TEX14: variants seen among roughly 807,000 people sequenced by gnomAD.
TEX14 encodes the protein inactive serine/threonine-protein kinase TEX14.
In TEX14, 168 loss-of-function variants were observed where a neutral mutation model predicts 178.6. The observed-to-expected ratio is 0.94, with a 90% CI of 0.83 to 1.07. The LOEUF is 1.07. TEX14 is among the 50% of genes least tolerant of loss of function. TEX14 has a pLI of 0.00. For missense variants in TEX14, 1,730 were observed against 1,753.6 expected (o/e 0.99, Z 0.24); for synonymous variants, 626 against 634.1 (o/e 0.99, Z 0.19).
intron 1 of TEX14, among the ~76,000 whole-genome samples, chr17:58,656,253 G>C (rs2046956660): frequency 6.6e-6 from 1 of 152,150 alleles, no homozygotes; most frequent in Non-Finnish European, 1.5e-5. Context: ...AGACCAGCTT[G>C]ACTGATACGG....
chr17:58,672,234 T>G (rs1258490476), intron 1 of TEX14, among the ~76,000 whole-genome samples: 1 of 152,174 alleles, frequency 6.6e-6, no homozygotes, highest in African/African-American at 2.4e-5. Context: ...GCCTAGTTCC[T>G]AACAGGCCAC....
chr17:58,665,000 C>A (rs570922520), intron 1 of TEX14, among the ~76,000 whole-genome samples: 4 of 151,930 alleles, frequency 2.6e-5, no homozygotes, highest in African/African-American at 9.7e-5. Context: ...CCAGGAAGAG[C>A]AGGCATGTAA....
At chr17:58,676,094 G>A (rs984721823) in intron 1 of TEX14, among the ~76,000 whole-genome samples, 8 of 152,062 alleles carry the variant, frequency 5.3e-5, no homozygotes, top group South Asian at 2.1e-4. Flanking sequence ...AAAATTAGTC[G>A]GCCAGGTGCA....
In TEX14 at chr17:58,617,532, T is replaced by G; in HGVS notation, c.636+6A>C. ...CAAACACTGGCTGTCAGTGGCAACC[T>G]CTTACCTTCCCAAAACCAAAGCTGT... On this transcript the variant is annotated splice_donor_region_variant and intron_variant, in intron 6 of 31. Coordinates refer to ENST00000349033, the MANE Select transcript of TEX14 (RefSeq NM_031272.5). 6.2e-7 allele frequency: 1 copy of G among 1,612,644 alleles called. No individual in the cohort carries two copies. The highest frequency in any genetic ancestry group is 8.5e-7 in the Non-Finnish European group (1 of 1,178,962).
chr17:58,574,038 T>C, intron 22 of TEX14, 149 bp downstream of exon 22: 1 of 656,446 alleles, frequency 1.5e-6, no homozygotes, highest in East Asian at 2.8e-5. Context: ...TATCACCAAT[T>C]TGATAACAAC....
chr17:58,656,028 C>T (rs1265677525), intron 1 of TEX14, among the ~76,000 whole-genome samples: 1 of 152,260 alleles, frequency 6.6e-6, no homozygotes, highest in African/African-American at 2.4e-5. Context: ...TGGTTGGGCG[C>T]GATGGCTCAC....
chr17:58,654,078 T>A lies in TEX14; in HGVS notation c.-1-2076A>T, dbSNP rs183365644. Among the ~76,000 whole-genome samples the A allele has an allele frequency of 2.2e-3, 340 of 152,178 alleles. 2 individuals are homozygous for A. The highest frequency in any genetic ancestry group is 0.017 in the Middle Eastern group (5 of 294). On this transcript the variant is annotated intron_variant, in intron 1 of 31. Transcript: ENST00000349033. ...CTGTAGTCCCAGCTACTCGGGAGAC[T>A]GAGGCGGGAGAATGGCGTGAACCCG...
chr17:58,682,815 T>C (rs1284652408), intron 1 of TEX14, among the ~76,000 whole-genome samples: 1 of 152,150 alleles, frequency 6.6e-6, no homozygotes, highest in Non-Finnish European at 1.5e-5. Flanking sequence ...ATGTCTGTCC[T>C]CCACTGCCTT....
At chr17:58,631,647 C>CA (rs1471738717) in intron 2 of TEX14, 3 of 151,212 alleles carry the variant, frequency 2.0e-5, no homozygotes, top group African/African-American at 4.9e-5. Context: ...CAGAACTACT[C>CA]AGACTGCCTT....
chr17:58,609,158 G>A (rs936370870), intron 10 of TEX14, among the ~76,000 whole-genome samples: 2 of 152,148 alleles, frequency 1.3e-5, no homozygotes, highest in East Asian at 3.9e-4. Flanking sequence ...CGCCCAGGCT[G>A]GAGTGCAGTG....
chr17:58,602,309 C>A, intron 12 of TEX14, 91 bp downstream of exon 12: 1 of 1,291,464 alleles, frequency 7.7e-7, no homozygotes, highest in Non-Finnish European at 1.1e-6. Flanking sequence ...AAATTTCTTA[C>A]AACTTGGTCT....
rs181641648 is a variant in TEX14 at position 58,562,563 on chromosome 17, G to A, written c.4065-951C>T. On this transcript the variant is annotated intron_variant, in intron 28 of 31. Transcript: ENST00000349033. ...TCTGTCGCCCAGGCTGGAGTGCAGC[G>A]GCACCATCTCAGCTCACTGCAACCT... 8.5e-4 allele frequency among the ~76,000 whole-genome samples: 129 copies of A among 151,922 alleles called. 1 individual carries two copies. The highest frequency in any genetic ancestry group is 2.7e-3 in the African/African-American group (111 of 41,438).
chr17:58,588,226 T>G (rs1029366384), intron 15 of TEX14, among the ~76,000 whole-genome samples: 2 of 152,112 alleles, frequency 1.3e-5, no homozygotes, highest in Non-Finnish European at 2.9e-5. Flanking sequence ...ATGGTTCAGG[T>G]GAGGGTTCTG....
At chr17:58,688,478 C>G (rs1297067443) in intron 1 of TEX14, among the ~76,000 whole-genome samples, 1 of 152,146 alleles carries the variant, frequency 6.6e-6, no homozygotes, top group African/African-American at 2.4e-5. Context: ...GCTAGGTATT[C>G]TATAAGGATT....
In TEX14 at chr17:58,565,804, C is replaced by A. The variant is rs754003655; in HGVS notation, c.3907G>T (p.Gly1303Cys). 38 of 1,607,978 alleles carry A rather than the reference C, an allele frequency of 2.4e-5. No homozygotes were observed. The highest frequency in any genetic ancestry group is 5.9e-6 in the Non-Finnish European group (7 of 1,177,576). The change falls in exon 27 of 32, where the codon GGC becomes TGC. Residue 1303 changes from glycine to cysteine, a missense_variant. Around this residue, in one of 2 missense-constraint regions of TEX14, gnomAD observed 941 missense variants for 1,072.4 expected, o/e 0.88. Coordinates refer to ENST00000349033, the MANE Select transcript of TEX14 (RefSeq NM_031272.5). Reference sequence around the variant, plus strand: ...TTCTCATGCAACACCGTGGATGAGCCCTGCTGCTGTTTCAAGAGCTCTGTC... The same window carrying A: ...TTCTCATGCAACACCGTGGATGAGCACTGCTGCTGTTTCAAGAGCTCTGTC... ...DDIELLKQQQGSSTVLHENTA... is the reference protein window; with the variant it reads ...DDIELLKQQQCSSTVLHENTA...
chr17:58,611,123 C>A, intron 10 of TEX14, 38 bp downstream of exon 10: 1 of 1,538,232 alleles, frequency 6.5e-7, no homozygotes, highest in South Asian at 1.1e-5. Context: ...CAAGGGAGAT[C>A]AACTTCAGGA....
chr17:58,581,835 C>T (rs1287384272), intron 19 of TEX14: 1 of 1,283,034 alleles, frequency 7.8e-7, no homozygotes, highest in African/African-American at 1.5e-5. Flanking sequence ...CACTACCCAG[C>T]AGTCAGTGTG....
At chr17:58,581,120 G>A (rs1022329804) in intron 19 of TEX14, among the ~76,000 whole-genome samples, 13 of 152,074 alleles carry the variant, frequency 8.5e-5, no homozygotes, top group African/African-American at 2.4e-4. Flanking sequence ...AGACCAGCCC[G>A]ACCAACATGG....
intron 2 of TEX14, among the ~76,000 whole-genome samples, chr17:58,641,814 T>C (rs942267327): frequency 2.0e-5 from 3 of 152,174 alleles, no homozygotes; most frequent in African/African-American, 4.8e-5. Flanking sequence ...AGCCAAGTGA[T>C]AGATGTTTTA....
Sources: allele counts gnomAD v4.1 joint callset (sites outside exome capture counted in the v4.1 genomes callset), GRCh38; gene constraint gnomAD v4.1.1; regional missense constraint gnomAD v4.1.1; transcripts MANE v1.5; gene names NCBI Gene and HGNC (gene_info 2026-07-23, HGNC 2026-07-21).